Variants in ASTN1 observed in about 807,000 individuals in gnomAD.
ASTN1 encodes the protein astrotactin-1.
A neutral mutation model predicts 140.7 loss-of-function variants in ASTN1; 41 were observed. The ratio of observed to expected loss-of-function variants is 0.29; its 90% CI spans 0.23 to 0.38. The LOEUF (loss-of-function observed/expected upper bound fraction) is 0.38. Among genes scored for constraint, ASTN1 ranks in the 10% least tolerant of loss-of-function variants. ASTN1 has a pLI of 1.00. For missense variants in ASTN1, 1,479 were observed against 1,678.8 expected, an observed-to-expected ratio of 0.88 and a Z score of 2.08; for synonymous variants, 640 against 652.2, an observed-to-expected ratio of 0.98 and a Z score of 0.29.
chr1:176,982,563 T>C (rs1002750245), intron 8 of ASTN1, among the ~76,000 whole-genome samples: 1 of 152,186 alleles, frequency 6.6e-6, no homozygotes, highest in Non-Finnish European at 1.5e-5. Context: ...GTGCTTTATC[T>C]CACCTGATCT....
intron 8 of ASTN1, among the ~76,000 whole-genome samples, chr1:177,000,539 C>G (rs987444243): frequency 6.6e-6 from 1 of 152,152 alleles, no homozygotes; most frequent in African/African-American, 2.4e-5. Context: ...TGTAGCCAGC[C>G]TGTATATAGT....
chr1:177,042,709 C>T (rs1041114630), intron 2 of ASTN1, among the ~76,000 whole-genome samples: 3 of 152,164 alleles, frequency 2.0e-5, no homozygotes, highest in South Asian at 2.1e-4. Context: ...AGTAACTTAT[C>T]CAAGTTTACA....
intron 1 of ASTN1, among the ~76,000 whole-genome samples, chr1:177,078,719 T>C (rs1486629619): frequency 1.3e-5 from 2 of 152,230 alleles, no homozygotes; most frequent in Non-Finnish European, 2.9e-5. Context: ...AACCACAATA[T>C]GGTGTATCTG....
intron 16 of ASTN1, among the ~76,000 whole-genome samples, chr1:176,927,328 T>A (rs1557965816): frequency 6.6e-6 from 1 of 151,884 alleles, no homozygotes; most frequent in Non-Finnish European, 1.5e-5. Flanking sequence ...CCCGCTGATA[T>A]GCACCAAAAG....
chr1:177,009,166 TAC>T (rs1469451025), intron 8 of ASTN1, among the ~76,000 whole-genome samples: 1 of 152,180 alleles, frequency 6.6e-6, no homozygotes, highest in Non-Finnish European at 1.5e-5. Context: ...TCTAAGCATT[TAC>T]ACTTTGATGA....
At chr1:177,032,072 G>T (rs1676470581) in intron 3 of ASTN1, among the ~76,000 whole-genome samples, 1 of 152,146 alleles carries the variant, frequency 6.6e-6, no homozygotes, top group Non-Finnish European at 1.5e-5. Context: ...CTTCAATGGA[G>T]AATTAAATTG....
At chr1:177,055,518 C>T (rs569329073) in intron 2 of ASTN1, among the ~76,000 whole-genome samples, 2 of 152,320 alleles carry the variant, frequency 1.3e-5, no homozygotes, top group South Asian at 4.1e-4. Context: ...TAGGAACTGC[C>T]CACAGCTTTC....
chr1:176,935,253 C>T (rs960543349), intron 15 of ASTN1, among the ~76,000 whole-genome samples: 1 of 152,170 alleles, frequency 6.6e-6, no homozygotes, highest in Non-Finnish European at 1.5e-5. Context: ...ACAGCGACAC[C>T]ATTGTGTGAC....
At chr1:176,980,110 A>G (rs1673544653) in intron 8 of ASTN1, among the ~76,000 whole-genome samples, 1 of 152,192 alleles carries the variant, frequency 6.6e-6, no homozygotes. Flanking sequence ...CATAAAAGCA[A>G]GAAGTGGCTG....
intron 8 of ASTN1, among the ~76,000 whole-genome samples, chr1:176,983,769 C>T (rs1673746222): frequency 6.6e-6 from 1 of 152,214 alleles, no homozygotes; most frequent in Non-Finnish European, 1.5e-5. Context: ...TGCCCCTGTA[C>T]TGTGCATACC....
At chr1:177,132,779 G>A (rs1455567237) in intron 1 of ASTN1, among the ~76,000 whole-genome samples, 1 of 152,158 alleles carries the variant, frequency 6.6e-6, no homozygotes, top group Non-Finnish European at 1.5e-5. Flanking sequence ...GTGTTTAGCA[G>A]GTCTAAACTG....
At chr1:176,941,902 T>C (rs1469555522) in intron 14 of ASTN1, among the ~76,000 whole-genome samples, 3 of 152,180 alleles carry the variant, frequency 2.0e-5, no homozygotes, top group Non-Finnish European at 4.4e-5. Context: ...ACAAGGAAAC[T>C]AGATTCCCTA....
At chr1:177,080,087 T>C (rs904021828) in intron 1 of ASTN1, among the ~76,000 whole-genome samples, 1 of 152,120 alleles carries the variant, frequency 6.6e-6, no homozygotes, top group East Asian at 1.9e-4. Context: ...GTGAATGTTA[T>C]GTGTTTAATG....
intron 1 of ASTN1, among the ~76,000 whole-genome samples, chr1:177,090,190 G>C (rs2102100558): frequency 6.6e-6 from 1 of 151,208 alleles, no homozygotes; most frequent in South Asian, 2.1e-4. Context: ...TAATATCCTG[G>C]AATGAGGGAT....
intron 2 of ASTN1, among the ~76,000 whole-genome samples, chr1:177,053,691 G>A (rs183596658): frequency 8.3e-4 from 126 of 152,148 alleles, no homozygotes; most frequent in Non-Finnish European, 1.2e-3. Context: ...AAAATTTCCC[G>A]CAAAAATGCA....
Position 177,088,338 on chromosome 1 carries a change from G to A in ASTN1, c.284-27073C>T, listed in dbSNP as rs1235310666. On this transcript the variant is annotated intron_variant, in intron 1 of 22. Transcript: ENST00000361833. ...ATAATATTCACTCCTAAGGTGCCCAGCCAAGCTCTCTTGGTGCTCTGCATT... is the reference window on the plus strand; with the variant it reads ...ATAATATTCACTCCTAAGGTGCCCAACCAAGCTCTCTTGGTGCTCTGCATT... Among the ~76,000 whole-genome samples the A allele has an allele frequency of 2.6e-5, 4 of 152,140 alleles. No individual in the cohort carries two copies. The East Asian group carries it at 5.8e-4, about 22-fold the overall frequency.
At chr1:177,094,428 TC>T (rs1679924926) in intron 1 of ASTN1, among the ~76,000 whole-genome samples, 1 of 152,288 alleles carries the variant, frequency 6.6e-6, no homozygotes, top group South Asian at 2.1e-4. Flanking sequence ...CTTCCTCCAG[TC>T]CCCTGCTTTG....
In ASTN1 at chr1:176,864,003, T is replaced by G; in HGVS notation, c.*281A>C. On this transcript the variant is annotated 3_prime_UTR_variant, in exon 23 of 23. Coordinates refer to ENST00000361833, the MANE Select transcript of ASTN1 (RefSeq NM_004319.3). ...GGTAAACTTCTCAGGGAAAAAAAAA[T>G]GAATGGAACAAATTAATGGCAAAGC... 8.5e-7 allele frequency: 1 copy of G among 1,178,232 alleles called. No individual in the cohort carries two copies. Among genetic ancestry groups the G allele is most frequent in the Non-Finnish European group, 1.1e-6 (1 of 948,910 alleles). The allele number at this position is 1,178,232 out of a possible 1,614,324, so 73.0% of individuals were successfully genotyped here.
chr1:176,966,652 T>C (rs759306991), intron 8 of ASTN1, among the ~76,000 whole-genome samples: 3 of 152,128 alleles, frequency 2.0e-5, no homozygotes, highest in Non-Finnish European at 4.4e-5. Context: ...ACAGCACATG[T>C]GTATCAGTCT....
Sources: gnomAD v4.1 joint callset for allele counts (sites outside exome capture counted in the v4.1 genomes callset) on GRCh38, gnomAD v4.1.1 for gene constraint, MANE v1.5 for transcripts, NCBI Gene and HGNC (gene_info 2026-07-23, HGNC 2026-07-21) for gene names.